Variants in PCDH9 observed in about 807,000 individuals in gnomAD.
The protein encoded by PCDH9 is protocadherin 9, also known as protocadherin-9.
In PCDH9, 24 loss-of-function variants were observed where a neutral mutation model predicts 70.6. That is an observed-to-expected ratio of 0.34 (90% CI 0.25 to 0.48). PCDH9 has a LOEUF of 0.48. Among genes scored for constraint, PCDH9 ranks in the 20% least tolerant of loss-of-function variants. PCDH9 has a pLI of 0.99. For synonymous variants in PCDH9, 562 were observed against 558.5 expected (o/e 1.01, Z -0.09); for missense variants, 1,281 against 1,503.6 (o/e 0.85, Z 2.45).
intron 2 of PCDH9, among the ~76,000 whole-genome samples, chr13:67,034,356 T>C (rs934314897): frequency 6.6e-6 from 1 of 152,230 alleles, no homozygotes; most frequent in Non-Finnish European, 1.5e-5. Context: ...CATTATTTAA[T>C]GTTTAAACAA....
chr13:66,340,373 A>C (rs989514674), intron 4 of PCDH9, among the ~76,000 whole-genome samples: 2 of 152,170 alleles, frequency 1.3e-5, no homozygotes, highest in African/African-American at 4.8e-5. Context: ...TCATGGTGAC[A>C]CTTTTCTACT....
At chr13:66,551,445 AG>A (rs1961485888) in intron 4 of PCDH9, among the ~76,000 whole-genome samples, 1 of 152,282 alleles carries the variant, frequency 6.6e-6, no homozygotes, top group Admixed American at 6.5e-5. Flanking sequence ...GTGGCAACAT[AG>A]GGGAAAACTG....
chr13:67,113,513 G>GA (rs1013878503), intron 2 of PCDH9, among the ~76,000 whole-genome samples: 2 of 150,806 alleles, frequency 1.3e-5, no homozygotes, highest in Non-Finnish European at 3.0e-5. Flanking sequence ...TATGGTAACA[G>GA]AAAAAAACAA....
chr13:66,540,074 C>T (rs912042670), intron 4 of PCDH9, among the ~76,000 whole-genome samples: 1 of 151,782 alleles, frequency 6.6e-6, no homozygotes, highest in Non-Finnish European at 1.5e-5. Flanking sequence ...CAGGGTTTCA[C>T]TATGTTGCCC....
chr13:66,371,492 T>G (rs1956651437), intron 4 of PCDH9, among the ~76,000 whole-genome samples: 1 of 152,092 alleles, frequency 6.6e-6, no homozygotes, highest in Non-Finnish European at 1.5e-5. Context: ...AGCTTTGTCC[T>G]TTGTTGGAGG....
At chr13:66,519,462 C>T (rs867468104) in intron 4 of PCDH9, among the ~76,000 whole-genome samples, 2 of 152,020 alleles carry the variant, frequency 1.3e-5, no homozygotes, top group Non-Finnish European at 2.9e-5. Flanking sequence ...TAATCTCAGG[C>T]CTGCTTCTAA....
intron 4 of PCDH9, among the ~76,000 whole-genome samples, chr13:66,523,469 T>C (rs1425002473): frequency 6.6e-6 from 1 of 152,064 alleles, no homozygotes; most frequent in Non-Finnish European, 1.5e-5. Context: ...ATTTCATTTG[T>C]TCAAGTAGCA....
intron 4 of PCDH9, among the ~76,000 whole-genome samples, chr13:66,423,689 G>A (rs1957613813): frequency 6.6e-6 from 1 of 152,034 alleles, no homozygotes; most frequent in Non-Finnish European, 1.5e-5. Flanking sequence ...AAAACAATAA[G>A]AGCTGTTTAT....
At chr13:66,477,388 G>A (rs1014135704) in intron 4 of PCDH9, among the ~76,000 whole-genome samples, 1 of 152,108 alleles carries the variant, frequency 6.6e-6, no homozygotes, top group African/African-American at 2.4e-5. Context: ...CATTATAAAT[G>A]TAAATCTCAT....
rs148772791 is a variant in PCDH9, at chr13:66,332,822, G to GTATA, written c.3341-27798_3341-27795dup. ...TCTAAAGAAAGGCATATATATATAT[G>GTATA]TATATATATATATATAAAATCACTA... is the stretch of plus-strand genomic sequence containing the variant. On this transcript the variant is annotated intron_variant, in intron 4 of 4. Coordinates refer to ENST00000377865, the MANE Select transcript of PCDH9 (RefSeq NM_203487.3). Among the ~76,000 whole-genome samples the GTATA allele has an allele frequency of 6.5e-3, 967 of 147,882 alleles. 13 individuals carry two copies. Among genetic ancestry groups the GTATA allele is most frequent in the African/African-American group, 0.022 (881 of 40,240 alleles).
intron 4 of PCDH9, among the ~76,000 whole-genome samples, chr13:66,376,059 A>G (rs1323253616): frequency 6.6e-6 from 1 of 152,172 alleles, no homozygotes; most frequent in African/African-American, 2.4e-5. Context: ...CCTACCCAAG[A>G]TGAGAATCAT....
chr13:67,206,589 T>C (rs2138069265), intron 2 of PCDH9: 1 of 152,286 alleles, frequency 6.6e-6, no homozygotes, highest in Non-Finnish European at 1.5e-5. Context: ...TCTAGGAAAA[T>C]GCTAAAATTG....
intron 2 of PCDH9, among the ~76,000 whole-genome samples, chr13:67,198,236 G>A (rs543761893): frequency 5.3e-5 from 8 of 151,644 alleles, no homozygotes; most frequent in Admixed American, 2.0e-4. Context: ...GAAATAAAAT[G>A]TTAAAATTTA....
At chr13:67,171,517 C>A (rs571482858) in intron 2 of PCDH9, among the ~76,000 whole-genome samples, 19 of 152,312 alleles carry the variant, frequency 1.2e-4, no homozygotes, top group African/African-American at 4.3e-4. Context: ...AACCATTGAG[C>A]TATCTATGAT....
At chr13:66,352,620 C>T in intron 4 of PCDH9, among the ~76,000 whole-genome samples, 1 of 152,142 alleles carries the variant, frequency 6.6e-6, no homozygotes, top group Non-Finnish European at 1.5e-5. Flanking sequence ...TATCAGATCA[C>T]TTGCCCCACC....
chr13:66,487,660 A>G (rs1370733236), intron 4 of PCDH9, among the ~76,000 whole-genome samples: 1 of 152,178 alleles, frequency 6.6e-6, no homozygotes, highest in Non-Finnish European at 1.5e-5. Flanking sequence ...AATAATCAAA[A>G]TATTCTATCC....
chr13:66,839,208 G>T (rs918111990), intron 3 of PCDH9, among the ~76,000 whole-genome samples: 29 of 151,856 alleles, frequency 1.9e-4, no homozygotes, highest in African/African-American at 6.8e-4. Flanking sequence ...CAATCACTTT[G>T]TATTTTTTAG....
At chr13:67,202,349 G>A (rs1433584783) in intron 2 of PCDH9, 2 of 152,000 alleles carry the variant, frequency 1.3e-5, no homozygotes, top group Non-Finnish European at 2.9e-5. Context: ...TTCACATCTG[G>A]ACCACAAAAG....
At chr13:66,322,937 TAAC>T (rs1420252824) in intron 4 of PCDH9, among the ~76,000 whole-genome samples, 2 of 152,034 alleles carry the variant, frequency 1.3e-5, no homozygotes, top group African/African-American at 2.4e-5. Context: ...TAATCATACT[TAAC>T]AGAAAAATTC....
Sources: allele counts gnomAD v4.1 joint callset (sites outside exome capture counted in the v4.1 genomes callset), GRCh38; gene constraint gnomAD v4.1.1; transcripts MANE v1.5; gene names NCBI Gene and HGNC (gene_info 2026-07-23, HGNC 2026-07-21).